Variants in DAB1 observed in about 807,000 individuals in gnomAD.
The protein encoded by DAB1 is DAB adaptor protein 1.
DAB1 carries 15 observed loss-of-function variants against 64.6 expected under a neutral mutation model. That is an observed-to-expected ratio of 0.23 (90% CI 0.16 to 0.36). The LOEUF is 0.36. Ranked by LOEUF, DAB1 falls within the 10% of genes least tolerant of loss-of-function variation. DAB1 has a pLI of 1.00. For synonymous variants in DAB1, 235 were observed against 251.9 expected, an observed-to-expected ratio of 0.93 and a Z score of 0.64; for missense variants, 596 against 706.7, an observed-to-expected ratio of 0.84 and a Z score of 1.78.
intron 4 of DAB1, among the ~76,000 whole-genome samples, chr1:57,115,413 G>C (rs1656023263): frequency 6.6e-6 from 1 of 152,184 alleles, no homozygotes; most frequent in South Asian, 2.1e-4. Context: ...ACAGGACAGA[G>C]TGAGACATAC....
intron 7 of DAB1, among the ~76,000 whole-genome samples, chr1:57,611,571 T>C (rs965751149): frequency 4.6e-5 from 7 of 152,138 alleles, no homozygotes; most frequent in Admixed American, 1.3e-4. Flanking sequence ...TTAGATCCCA[T>C]GCCTAGATGT....
intron 6 of DAB1, among the ~76,000 whole-genome samples, chr1:57,684,600 A>G (rs548907167): frequency 1.3e-5 from 2 of 152,344 alleles, no homozygotes; most frequent in African/African-American, 2.4e-5. Flanking sequence ...CAGTCACACA[A>G]GAGCAAAAAG....
chr1:57,385,569 T>C (rs1234314082), intron 1 of DAB1, among the ~76,000 whole-genome samples: 2 of 152,174 alleles, frequency 1.3e-5, no homozygotes, highest in African/African-American at 4.8e-5. Flanking sequence ...CACAGTTGAA[T>C]TGAGGAGTCA....
chr1:57,039,693 GT>G (rs1297089427), intron 9 of DAB1, among the ~76,000 whole-genome samples: 3 of 152,060 alleles, frequency 2.0e-5, no homozygotes, highest in African/African-American at 7.2e-5. Flanking sequence ...GTAACTCCAT[GT>G]TTTGATGCTC....
Position 57,015,041 on chromosome 1 carries a change from C to A in DAB1, c.1286G>T (p.Arg429Leu). 1 of 1,613,806 alleles carries A rather than the reference C, an allele frequency of 6.2e-7. No individual in the cohort carries two copies. The highest frequency in any genetic ancestry group is 1.1e-5 in the South Asian group (1 of 91,046). ...GGTGAGGGAGGGCTGGTCGGGTTTG[C>A]GGGAGGGCACGGGCGGAGGCTGGGC... ...QMAQPPPVPS[R>L]KPDQPSLTCT... The change falls in exon 12 of 15, where the codon CGC becomes CTC. Residue 429 changes from arginine (R) to leucine (L), a missense_variant. Coordinates refer to ENST00000371236, the MANE Select transcript of DAB1 (RefSeq NM_001365792.1).
intron 3 of DAB1, among the ~76,000 whole-genome samples, chr1:58,425,412 C>A (rs1266884868): frequency 6.6e-6 from 1 of 152,208 alleles, no homozygotes; most frequent in Non-Finnish European, 1.5e-5. Context: ...TGTGCCAGTG[C>A]CTTCTCTTAG....
chr1:57,621,279 C>CGTGTGT (rs1432082300), intron 7 of DAB1, among the ~76,000 whole-genome samples: 1 of 149,862 alleles, frequency 6.7e-6, no homozygotes, highest in Non-Finnish European at 1.5e-5. Context: ...TGTGTGTGTG[C>CGTGTGT]GTGTGTAGGA....
intron 3 of DAB1, among the ~76,000 whole-genome samples, chr1:58,403,329 T>C (rs113884090): frequency 0.011 from 1,689 of 151,970 alleles, 44 homozygotes; most frequent in African/African-American, 0.038. Flanking sequence ...ACAAAAACAT[T>C]TCCTCAACTC....
chr1:58,021,748 T>G (rs1034062799), intron 5 of DAB1, among the ~76,000 whole-genome samples: 1 of 152,070 alleles, frequency 6.6e-6, no homozygotes, highest in Non-Finnish European at 1.5e-5. Flanking sequence ...AGATGTGGTA[T>G]AGGGGAAAGA....
intron 3 of DAB1, among the ~76,000 whole-genome samples, chr1:58,500,903 AG>A (rs1645896264): frequency 6.6e-6 from 1 of 152,214 alleles, no homozygotes; most frequent in African/African-American, 2.4e-5. Context: ...CAATCTTCAT[AG>A]AAAAAAGTTA....
At chr1:57,129,970 C>G (rs998928077) in intron 4 of DAB1, among the ~76,000 whole-genome samples, 9 of 151,936 alleles carry the variant, frequency 5.9e-5, no homozygotes, top group Admixed American at 2.6e-4. Context: ...CGATTAGCAT[C>G]TGTGTCACAT....
At chr1:57,224,555 G>A (rs1162223976) in intron 2 of DAB1, among the ~76,000 whole-genome samples, 1 of 152,226 alleles carries the variant, frequency 6.6e-6, no homozygotes, top group Non-Finnish European at 1.5e-5. Flanking sequence ...GCTACTTTGA[G>A]TCAATGCCAG....
chr1:58,128,457 C>A (rs1215120108), intron 5 of DAB1, among the ~76,000 whole-genome samples: 1 of 130,032 alleles, frequency 7.7e-6, no homozygotes, highest in Non-Finnish European at 1.6e-5. Flanking sequence ...TTATTTCCTT[C>A]TGCCTAATTG....
chr1:58,359,458 A>G (rs1456865343), intron 3 of DAB1, among the ~76,000 whole-genome samples: 1 of 152,134 alleles, frequency 6.6e-6, no homozygotes, highest in East Asian at 1.9e-4. Flanking sequence ...CTTCCCCTAA[A>G]TGCAGTGAGT....
intron 3 of DAB1, among the ~76,000 whole-genome samples, chr1:58,485,560 T>C (rs1645563072): frequency 6.6e-6 from 1 of 152,282 alleles, no homozygotes; most frequent in Middle Eastern, 3.4e-3. Flanking sequence ...TTCATCTACT[T>C]TGCATAGTAA....
intron 7 of DAB1, among the ~76,000 whole-genome samples, chr1:57,606,662 A>ATATATAATATATGAAATATAT (rs1645654089): frequency 9.4e-6 from 1 of 106,888 alleles, no homozygotes; most frequent in African/African-American, 3.7e-5. Flanking sequence ...TATGTATGAA[A>ATATATAATATATGAAATATAT]TATATATGAA....
chr1:57,870,065 C>A (rs536750684), intron 1 of DAB1, among the ~76,000 whole-genome samples: 1 of 152,136 alleles, frequency 6.6e-6, no homozygotes, highest in Non-Finnish European at 1.5e-5. Flanking sequence ...AAATACTTAC[C>A]CTCTCTGAGC....
chr1:57,285,632 T>A (rs1253099115), intron 2 of DAB1, among the ~76,000 whole-genome samples: 1 of 152,010 alleles, frequency 6.6e-6, no homozygotes, highest in Non-Finnish European at 1.5e-5. Flanking sequence ...CACAAACCCC[T>A]CCCTTTAAAG....
At chr1:57,163,465 G>A (rs908083393) in intron 2 of DAB1, among the ~76,000 whole-genome samples, 2 of 151,966 alleles carry the variant, frequency 1.3e-5, no homozygotes, top group Non-Finnish European at 2.9e-5. Flanking sequence ...GGGGGTTAGA[G>A]GTGGAAGTCA....
Sources: allele counts gnomAD v4.1 joint callset (sites outside exome capture counted in the v4.1 genomes callset), GRCh38; gene constraint gnomAD v4.1.1; transcripts MANE v1.5; gene names NCBI Gene and HGNC (gene_info 2026-07-23, HGNC 2026-07-21).